The following HECW1 variants were observed in gnomAD, a reference collection of about 807,000 sequenced individuals.
HECW1 encodes the protein HECT, C2 and WW domain containing E3 ubiquitin protein ligase 1, also known as E3 ubiquitin-protein ligase HECW1.
HECW1 carries 61 observed loss-of-function variants against 182.3 expected under a neutral mutation model. The observed-to-expected ratio is 0.33, with a 90% CI of 0.27 to 0.41. The LOEUF (loss-of-function observed/expected upper bound fraction) is 0.41. Among genes scored for constraint, HECW1 ranks in the 10% least tolerant of loss-of-function variants. The probability of loss-of-function intolerance (pLI) is 1.00; values close to 1 mark genes in which losing one functional copy is unlikely to be tolerated. For missense variants in HECW1, 1,739 were observed against 2,108.9 expected, an observed-to-expected ratio of 0.82 and a Z score of 3.44; for synonymous variants, 859 against 832.6, an observed-to-expected ratio of 1.03 and a Z score of -0.55.
At chr7:43,157,845 G>T (rs998733864) in intron 2 of HECW1, among the ~76,000 whole-genome samples, 1 of 152,198 alleles carries the variant, frequency 6.6e-6, no homozygotes, top group Middle Eastern at 3.2e-3. Flanking sequence ...ATAGGCATGA[G>T]CCACCGTGCC....
intron 6 of HECW1, among the ~76,000 whole-genome samples, chr7:43,364,824 A>G (rs1022794468): frequency 2.0e-5 from 3 of 152,170 alleles, no homozygotes; most frequent in African/African-American, 7.2e-5. Context: ...TATTTTCTGT[A>G]GAAAATCACT....
At chr7:43,365,736 C>T (rs1193144520) in intron 6 of HECW1, among the ~76,000 whole-genome samples, 3 of 152,084 alleles carry the variant, frequency 2.0e-5, no homozygotes, top group African/African-American at 7.2e-5. Flanking sequence ...AATCTAGTGC[C>T]TCTGCAACCA....
chr7:43,162,628 C>T (rs1435784733), intron 2 of HECW1, among the ~76,000 whole-genome samples: 1 of 152,194 alleles, frequency 6.6e-6, no homozygotes, highest in Non-Finnish European at 1.5e-5. Flanking sequence ...ATGGACATAT[C>T]TTTTGGAGGC....
chr7:43,519,957 C>A (rs1241950715), intron 24 of HECW1, among the ~76,000 whole-genome samples: 2 of 152,086 alleles, frequency 1.3e-5, no homozygotes, highest in African/African-American at 4.8e-5. Context: ...AGGAGATGAG[C>A]CGAGGTAACA....
intron 2 of HECW1, among the ~76,000 whole-genome samples, chr7:43,143,929 T>A (rs1484138634): frequency 1.3e-5 from 2 of 152,222 alleles, no homozygotes; most frequent in East Asian, 3.9e-4. Context: ...TGGTCAAGAT[T>A]TGACCTGCTA....
chr7:43,456,552 T>C (rs1417120235), intron 13 of HECW1, 105 bp downstream of exon 13: 4 of 1,043,906 alleles, frequency 3.8e-6, no homozygotes, highest in Non-Finnish European at 5.3e-6. Context: ...ATGAGGAGAC[T>C]GGAAAGTAAT....
chr7:43,284,921 C>T (rs1337149250), intron 3 of HECW1, among the ~76,000 whole-genome samples: 3 of 151,252 alleles, frequency 2.0e-5, no homozygotes, highest in Non-Finnish European at 4.4e-5. Context: ...TGCCCCAGGT[C>T]TTATAATGTG....
intron 29 of HECW1, among the ~76,000 whole-genome samples, chr7:43,561,237 G>C (rs953161178): frequency 3.9e-5 from 6 of 152,226 alleles, no homozygotes; most frequent in African/African-American, 1.4e-4. Flanking sequence ...CATCCAGAGA[G>C]GACTGGCTCA....
At chr7:43,185,370 C>G (rs1308842170) in intron 2 of HECW1, among the ~76,000 whole-genome samples, 1 of 152,148 alleles carries the variant, frequency 6.6e-6, no homozygotes, top group African/African-American at 2.4e-5. Context: ...TAAGCTCCTC[C>G]AGCAAATTAA....
At chr7:43,310,812 T>A (rs1283879978) in intron 3 of HECW1, among the ~76,000 whole-genome samples, 3 of 152,218 alleles carry the variant, frequency 2.0e-5, no homozygotes, top group Non-Finnish European at 2.9e-5. Context: ...GAGTCAACAC[T>A]TTTTTAGGCC....
intron 5 of HECW1, among the ~76,000 whole-genome samples, chr7:43,338,579 C>G (rs922193209): frequency 6.6e-6 from 1 of 152,176 alleles, no homozygotes; most frequent in Non-Finnish European, 1.5e-5. Flanking sequence ...TGCAATGAGA[C>G]TGTCAATTTT....
At chr7:43,189,272 A>G (rs1254183817) in intron 2 of HECW1, among the ~76,000 whole-genome samples, 1 of 152,210 alleles carries the variant, frequency 6.6e-6, no homozygotes, top group African/African-American at 2.4e-5. Flanking sequence ...TAATGTGCAC[A>G]CAAACCACCC....
At chr7:43,378,687 T>A (rs1252516683) in intron 6 of HECW1, among the ~76,000 whole-genome samples, 1 of 152,018 alleles carries the variant, frequency 6.6e-6, no homozygotes, top group Non-Finnish European at 1.5e-5. Context: ...GCACCTGTAA[T>A]CCCAGCTACT....
At chr7:43,143,160 G>A (rs1193713199) in intron 2 of HECW1, among the ~76,000 whole-genome samples, 1 of 152,114 alleles carries the variant, frequency 6.6e-6, no homozygotes, top group Non-Finnish European at 1.5e-5. Context: ...TAGTAGAGAC[G>A]GGGTTTTACC....
chr7:43,194,472 A>C (rs896448665), intron 2 of HECW1: 1 of 152,192 alleles, frequency 6.6e-6, no homozygotes, highest in Non-Finnish European at 1.5e-5. Flanking sequence ...AGTCTTTACC[A>C]GAAAGCCACT....
At chr7:43,528,556 T>A (rs553419287) in intron 24 of HECW1, among the ~76,000 whole-genome samples, 1 of 152,350 alleles carries the variant, frequency 6.6e-6, no homozygotes, top group East Asian at 1.9e-4. Context: ...AGAGCAATAC[T>A]AAGTATGTTA....
chr7:43,546,312 A>G (rs113831031), intron 26 of HECW1, among the ~76,000 whole-genome samples: 240 of 148,786 alleles, frequency 1.6e-3, no homozygotes, highest in African/African-American at 5.7e-3. Flanking sequence ...GTTATGCATA[A>G]CATTTGGACA....
At chr7:43,303,768 G>C (rs1184140372) in intron 3 of HECW1, among the ~76,000 whole-genome samples, 4 of 152,118 alleles carry the variant, frequency 2.6e-5, no homozygotes, top group Admixed American at 1.3e-4. Flanking sequence ...GAGCTGAAGA[G>C]TTAGACAGAG....
intron 7 of HECW1, among the ~76,000 whole-genome samples, chr7:43,405,688 G>A (rs1341839595): frequency 2.0e-5 from 3 of 152,138 alleles, no homozygotes; most frequent in Non-Finnish European, 4.4e-5. Context: ...TTCACCATAA[G>A]CCACATCATT....
Sources: allele counts gnomAD v4.1 joint callset (sites outside exome capture counted in the v4.1 genomes callset), GRCh38; gene constraint gnomAD v4.1.1; transcripts MANE v1.5; gene names NCBI Gene and HGNC (gene_info 2026-07-23, HGNC 2026-07-21).